B9D2: variants seen among roughly 807,000 people sequenced by gnomAD.
B9D2 encodes B9 domain containing 2, also known as B9 domain-containing protein 2.
In B9D2, 21 loss-of-function variants were observed where a neutral mutation model predicts 19.2. That is an observed-to-expected ratio of 1.09 (90% CI 0.78 to 1.58). B9D2 has a LOEUF of 1.58. Ranked by LOEUF, B9D2 falls within the 40% of genes most tolerant of loss-of-function variation. The pLI is 0.00. For synonymous variants in B9D2, 91 were observed against 100.6 expected (o/e 0.90, Z 0.57); for missense variants, 221 against 244.3 (o/e 0.90, Z 0.64).
rs2241712 is a variant in B9D2, at chr19:41,363,851, C to T, written c.-5+107G>A. 349,327 of 523,738 alleles carry T rather than the reference C, an allele frequency of 0.67. 118,895 individuals are homozygous for T. The highest frequency in any genetic ancestry group is 0.83 in the African/African-American group (43,135 of 51,884). 32.4% of individuals were successfully genotyped at this position (523,738 alleles called of 1,614,324 possible). On this transcript the variant is annotated intron_variant, in intron 1 of 3. Coordinates refer to ENST00000243578, the MANE Select transcript of B9D2 (RefSeq NM_030578.4). ...CAAAAGACCCGCCTTCCGCGTCACG[C>T]CAGCCACCCCGCTTCCCTCCCCCAG...
In B9D2 at chr19:41,354,574, G is replaced by A. The variant is rs1406535852; in HGVS notation, c.*126C>T. The A allele has an allele frequency of 7.8e-7, 1 of 1,281,608 alleles. No homozygotes were observed. Among genetic ancestry groups the A allele is most frequent in the East Asian group, 2.5e-5 (1 of 40,430 alleles). The allele number at this position is 1,281,608 out of a possible 1,614,324, so 79.4% of individuals were successfully genotyped here. A position where few individuals can be genotyped will look rare whatever the true frequency, so the allele number is the denominator to read the frequency against. ...CGAGGTCCTAGAAAGGACAGAAGCG[G>A]TGCCATGCCTTAGCTGGGGTCAGCT... is the stretch of plus-strand genomic sequence containing the variant. On this transcript the variant is annotated 3_prime_UTR_variant, in exon 4 of 4. Coordinates refer to ENST00000243578, the MANE Select transcript of B9D2 (RefSeq NM_030578.4).
chr19:41,363,386 AG>A, intron 2 of B9D2, 45 bp downstream of exon 2: 3 of 1,588,312 alleles, frequency 1.9e-6, no homozygotes, highest in Non-Finnish European at 2.6e-6. Context: ...TGTAGCCTCT[AG>A]GCTAGGGGTC....
intron 2 of B9D2, among the ~76,000 whole-genome samples, chr19:41,360,658 G>A (rs111840944): frequency 0.075 from 11,216 of 150,092 alleles, 468 homozygotes; most frequent in African/African-American, 0.11. Flanking sequence ...GGCACACGCC[G>A]CCATGCCCAG....
Position 41,362,371 on chromosome 19 carries a change from C to CAAAAAAAAA in B9D2, c.88+1052_88+1060dup, listed in dbSNP as rs777325237. 3.4e-5 allele frequency among the ~76,000 whole-genome samples: 2 copies of CAAAAAAAAA among 58,370 alleles called. 1 individual carries two copies. The allele number at this position is 58,370 out of a possible 152,430, so 38.3% of individuals were successfully genotyped here. A position where few individuals can be genotyped will look rare whatever the true frequency, so the allele number is the denominator to read the frequency against. On this transcript the variant is annotated intron_variant, in intron 2 of 3. Transcript: ENST00000243578. Reference sequence around the variant, plus strand: ...ACAGCCTGGGAAACAGAACGAGTCTCAAAAAAAAAAAAAAAAAAAAAAAAG... The same window carrying CAAAAAAAAA: ...ACAGCCTGGGAAACAGAACGAGTCTCAAAAAAAAAAAAAAAAAAAAAAAAAAAAAAAAAG...
At chr19:41,358,199 T>G (rs535715914) in intron 2 of B9D2, among the ~76,000 whole-genome samples, 177 bp from the exon 3 acceptor site, 1 of 152,326 alleles carries the variant, frequency 6.6e-6, no homozygotes, top group South Asian at 2.1e-4. Flanking sequence ...TCTGCAACCT[T>G]GGGCAAGTTA....
At position 41,357,879 on chromosome 19, in the gene B9D2, T is replaced by C; in HGVS notation, c.214+18A>G. The C allele has an allele frequency of 3.1e-6, 5 of 1,613,674 alleles. No homozygotes were observed. Among genetic ancestry groups the C allele is most frequent in the Non-Finnish European group, 4.2e-6 (5 of 1,179,882 alleles). ...CCCCTCCCCTCAGCCTGGACCCGGGTCCAGGTGTGATACCCACCTTGAAGA... is the reference window on the plus strand; with the variant it reads ...CCCCTCCCCTCAGCCTGGACCCGGGCCCAGGTGTGATACCCACCTTGAAGA... On this transcript the variant is annotated intron_variant, in intron 3 of 3. Coordinates refer to ENST00000243578, the MANE Select transcript of B9D2 (RefSeq NM_030578.4).
intron 2 of B9D2, among the ~76,000 whole-genome samples, chr19:41,360,246 G>C (rs1045045456): frequency 6.6e-6 from 1 of 152,278 alleles, no homozygotes; most frequent in Admixed American, 6.5e-5. Context: ...CACAATCACA[G>C]CTCACTACAA....
chr19:41,357,121 CAGAAGCCCCCTCCTCCA>C (rs2038325704), intron 3 of B9D2, among the ~76,000 whole-genome samples: 1 of 152,202 alleles, frequency 6.6e-6, no homozygotes, highest in Admixed American at 6.5e-5. Flanking sequence ...CAGCAAAGTT[CAGAAGCCCCCTCCTCCA>C]GGAAGCCCTC....
rs777152724 is a variant in B9D2 at position 41,355,024 on chromosome 19, GGAGA to G, written c.215-15_215-12del. The G allele has an allele frequency of 1.1e-5, 18 of 1,573,396 alleles. No individual in the cohort carries two copies. The highest frequency in any genetic ancestry group is 1.8e-5 in the Admixed American group (1 of 56,058). On this transcript the variant is annotated splice_polypyrimidine_tract_variant and intron_variant, in intron 3 of 3. Transcript: ENST00000243578. Reference sequence around the variant, plus strand: ...GGAGCCGGGGCCAGCCTGCAGGAAAGGAGAGAGAGGGGAAAGGAGGGATGGGTGG... The same window carrying G: ...GGAGCCGGGGCCAGCCTGCAGGAAAGGAGAGGGGAAAGGAGGGATGGGTGG...
At chr19:41,359,299 G>A (rs1384924232) in intron 2 of B9D2, among the ~76,000 whole-genome samples, 1 of 152,004 alleles carries the variant, frequency 6.6e-6, no homozygotes, top group African/African-American at 2.4e-5. Flanking sequence ...GGGCGCAGTG[G>A]CTCACATCTG....
rs572237537 is a variant in B9D2 at position 41,354,731 on chromosome 19, C to T, written c.497G>A (p.Arg166His). The T allele has an allele frequency of 4.3e-6, 7 of 1,613,990 alleles. No individual in the cohort carries two copies. Among genetic ancestry groups the T allele is most frequent in the African/African-American group, 2.7e-5 (2 of 75,052 alleles). ...CTCCACGCCGTAGCGGTCGAAGTTG[C>T]GGAGCAGCAGGCCGATCTCCAGGTG... is the stretch of plus-strand genomic sequence containing the variant. ...TVHLEIGLLL[R>H]NFDRYGVEC Residue 166 changes from arginine to histidine, a missense_variant, in exon 4 of 4, where the codon CGC (arginine) becomes CAC (histidine). Physicochemically the swap from Arg to His is conservative, Grantham distance 29. Coordinates refer to ENST00000243578, the MANE Select transcript of B9D2 (RefSeq NM_030578.4).
At chr19:41,363,352 C>T (rs993781810) in intron 2 of B9D2, 80 bp downstream of exon 2, 32 of 1,392,150 alleles carry the variant, frequency 2.3e-5, no homozygotes, top group African/African-American at 8.6e-5. Flanking sequence ...TAAGAGTCTG[C>T]GTTAAGGGGT....
chr19:41,354,426 A>G lies in B9D2; in HGVS notation c.*274T>C. On this transcript the variant is annotated 3_prime_UTR_variant, in exon 4 of 4. Coordinates refer to ENST00000243578, the MANE Select transcript of B9D2 (RefSeq NM_030578.4). Reference sequence around the variant, plus strand: ...GGTCAGGAGGCAGACACCTGTAAGAATTGCTCTCCTTTACTGAGCACCTCC... The same window carrying G: ...GGTCAGGAGGCAGACACCTGTAAGAGTTGCTCTCCTTTACTGAGCACCTCC... 1 of 600,846 alleles carries G rather than the reference A, an allele frequency of 1.7e-6. No individual in the cohort carries two copies. Among genetic ancestry groups the G allele is most frequent in the Admixed American group, 2.9e-5 (1 of 34,510 alleles). 37.2% of individuals were successfully genotyped at this position (600,846 alleles called of 1,614,324 possible). A position where few individuals can be genotyped will look rare whatever the true frequency, so the allele number is the denominator to read the frequency against.
intron 3 of B9D2, among the ~76,000 whole-genome samples, chr19:41,356,118 AC>A (rs2038309764): frequency 6.6e-6 from 1 of 152,058 alleles, no homozygotes; most frequent in Non-Finnish European, 1.5e-5. Flanking sequence ...GCATGCTAAG[AC>A]TATGGCTTTC....
rs745552651 is a variant in B9D2 at position 41,363,559 on chromosome 19, G to C, written c.-4-36C>G. On this transcript the variant is annotated intron_variant, in intron 1 of 3. Transcript: ENST00000243578. Reference sequence around the variant, plus strand: ...AAAAATATAATCACAACCCTGTGAGGTAAGTGTATTATCTCCATTTGACGG... The same window carrying C: ...AAAAATATAATCACAACCCTGTGAGCTAAGTGTATTATCTCCATTTGACGG... The C allele has an allele frequency of 2.5e-6, 4 of 1,575,002 alleles. No individual in the cohort carries two copies. In the African/African-American group the frequency reaches 5.8e-5, roughly 23 times the overall value.
chr19:41,359,206 T>C (rs983018351), intron 2 of B9D2, among the ~76,000 whole-genome samples: 10 of 148,894 alleles, frequency 6.7e-5, no homozygotes, highest in African/African-American at 1.7e-4. Context: ...TGAGGCGGGC[T>C]GATCACCTGA....
intron 2 of B9D2, among the ~76,000 whole-genome samples, chr19:41,361,707 G>C (rs1348655981): frequency 1.2e-5 from 1 of 82,734 alleles, no homozygotes; most frequent in African/African-American, 4.9e-5. Flanking sequence ...AGAATCGCTT[G>C]AACCCAGGAG....
At chr19:41,357,844 G>A in intron 3 of B9D2, 53 bp downstream of exon 3, 2 of 1,610,170 alleles carry the variant, frequency 1.2e-6, no homozygotes, top group Non-Finnish European at 8.5e-7. Context: ...GGACCTCAGA[G>A]GCTACTGGCC....
intron 2 of B9D2, among the ~76,000 whole-genome samples, chr19:41,358,910 A>AG (rs987923236): frequency 1.5e-3 from 219 of 145,034 alleles, no homozygotes; most frequent in African/African-American, 4.2e-3. Flanking sequence ...TAGGAGGCTT[A>AG]GGGGGGGGTG....
Sources: allele counts gnomAD v4.1 joint callset (sites outside exome capture counted in the v4.1 genomes callset), GRCh38; gene constraint gnomAD v4.1.1; transcripts MANE v1.5; gene names NCBI Gene and HGNC (gene_info 2026-07-23, HGNC 2026-07-21).